Variants in TXNRD1 observed in about 807,000 individuals in gnomAD.
TXNRD1 encodes the protein thioredoxin reductase 1, cytoplasmic.
TXNRD1 carries 57 observed loss-of-function variants against 80.3 expected under a neutral mutation model. The observed-to-expected ratio is 0.71, with a 90% CI of 0.57 to 0.89. TXNRD1 has a LOEUF of 0.89. Among genes scored for constraint, TXNRD1 ranks in the 40% least tolerant of loss-of-function variants. The pLI, the probability that TXNRD1 is intolerant of heterozygous loss-of-function variation, is 0.00. For synonymous variants in TXNRD1, 291 were observed against 285.2 expected, an observed-to-expected ratio of 1.02 and a Z score of -0.20; for missense variants, 730 against 803.0, an observed-to-expected ratio of 0.91 and a Z score of 1.10.
At chr12:104,219,226 C>A (rs2032291624) in intron 1 of TXNRD1, among the ~76,000 whole-genome samples, 1 of 152,150 alleles carries the variant, frequency 6.6e-6, no homozygotes, top group Non-Finnish European at 1.5e-5. Context: ...GCACCAGGCC[C>A]ATATTATACA....
chr12:104,290,979 T>A (rs1050004266), intron 4 of TXNRD1: 56 of 657,408 alleles, frequency 8.5e-5, no homozygotes, highest in Non-Finnish European at 1.4e-4. Flanking sequence ...AATTGAAAAC[T>A]TTTTTTTCTT....
At chr12:104,243,703 A>G (rs2032924487) in intron 1 of TXNRD1, among the ~76,000 whole-genome samples, 1 of 152,194 alleles carries the variant, frequency 6.6e-6, no homozygotes, top group Non-Finnish European at 1.5e-5. Flanking sequence ...TGTGCATGAC[A>G]AACCTGTAAA....
chr12:104,305,462 A>G (rs887233709), intron 4 of TXNRD1, among the ~76,000 whole-genome samples: 9 of 152,252 alleles, frequency 5.9e-5, no homozygotes, highest in African/African-American at 2.2e-4. Context: ...TCCATATTCT[A>G]AACAATTTCT....
chr12:104,311,222 C>T, intron 4 of TXNRD1, 68 bp from the exon 5 acceptor site: 1 of 1,471,678 alleles, frequency 6.8e-7, no homozygotes, highest in Non-Finnish European at 9.0e-7. Context: ...AAAAGATTTT[C>T]TTACAAAGCT....
intron 11 of TXNRD1, 41 bp from the exon 12 acceptor site, chr12:104,326,306 C>G (rs35472124): frequency 0.038 from 51,969 of 1,356,284 alleles, 1,559 homozygotes; most frequent in African/African-American, 0.12. Flanking sequence ...AAATGCAAAG[C>G]CTTTTTGTTA....
intron 4 of TXNRD1, among the ~76,000 whole-genome samples, chr12:104,299,388 A>C (rs1291522554): frequency 1.3e-5 from 2 of 151,972 alleles, no homozygotes; most frequent in African/African-American, 4.8e-5. Context: ...AAATACAGAT[A>C]TCTGTCTTAT....
At chr12:104,311,084 G>C (rs894122061) in intron 4 of TXNRD1, among the ~76,000 whole-genome samples, 2 of 152,188 alleles carry the variant, frequency 1.3e-5, no homozygotes, top group Admixed American at 6.5e-5. Flanking sequence ...AGCAGTGACC[G>C]TCTTTGGGGT....
chr12:104,332,485 C>T (rs1453320111), intron 14 of TXNRD1, among the ~76,000 whole-genome samples: 1 of 151,970 alleles, frequency 6.6e-6, no homozygotes, highest in Non-Finnish European at 1.5e-5. Context: ...CATGGTGGCT[C>T]ATGCCTGTAA....
chr12:104,258,287 A>G, intron 3 of TXNRD1: 1 of 461,302 alleles, frequency 2.2e-6, no homozygotes, highest in Non-Finnish European at 3.8e-6. Flanking sequence ...TAGCCTTGGT[A>G]TTACCCAGAG....
intron 4 of TXNRD1, among the ~76,000 whole-genome samples, chr12:104,307,561 A>C (rs1345778258): frequency 6.6e-6 from 1 of 152,252 alleles, no homozygotes; most frequent in Non-Finnish European, 1.5e-5. Context: ...TGATTGGTCG[A>C]AGTCACCTGG....
intron 3 of TXNRD1, chr12:104,287,364 C>T (rs1593753227): frequency 1.2e-6 from 2 of 1,613,904 alleles, no homozygotes; most frequent in African/African-American, 1.3e-5. Context: ...AGGCCGGCGC[C>T]TGTAGGCTGG....
chr12:104,336,721 G>T (rs531114995), intron 15 of TXNRD1, among the ~76,000 whole-genome samples: 4 of 152,120 alleles, frequency 2.6e-5, no homozygotes, highest in Non-Finnish European at 5.9e-5. Flanking sequence ...TATTTATTGA[G>T]CACTTACTGT....
chr12:104,321,083 T>A lies in TXNRD1; in HGVS notation c.990-8T>A. On this transcript the variant is annotated splice_polypyrimidine_tract_variant and splice_region_variant and intron_variant, in intron 9 of 16. Coordinates refer to ENST00000525566, the MANE Select transcript of TXNRD1 (RefSeq NM_001093771.3). ...CTTCTTTCTTCCTTTTTTTTTTTTT[T>A]CCCCCAGTGATGATCTTTTCTCCTT... 6.6e-7 allele frequency: 1 copy of A among 1,504,648 alleles called. No individual in the cohort carries two copies. The highest frequency in any genetic ancestry group is 9.0e-7 in the Non-Finnish European group (1 of 1,104,998). 93.2% of individuals were successfully genotyped at this position (1,504,648 alleles called of 1,614,324 possible).
chr12:104,312,108 CTT>C (rs1292593519), intron 5 of TXNRD1, among the ~76,000 whole-genome samples: 1 of 151,920 alleles, frequency 6.6e-6, no homozygotes, highest in African/African-American at 2.4e-5. Context: ...TAATATTTGT[CTT>C]TTTCACTTGA....
intron 1 of TXNRD1, among the ~76,000 whole-genome samples, chr12:104,248,993 C>A (rs1222147396): frequency 6.6e-6 from 1 of 152,170 alleles, no homozygotes; most frequent in Non-Finnish European, 1.5e-5. Flanking sequence ...AGAGAAATTA[C>A]AAGCGAGAAA....
At chr12:104,317,389 G>C (rs1048554359) in intron 7 of TXNRD1, among the ~76,000 whole-genome samples, 5 of 116,980 alleles carry the variant, frequency 4.3e-5, no homozygotes, top group Non-Finnish European at 6.9e-5. Context: ...TTTTTTTTCA[G>C]TTGAACCAAT....
At chr12:104,252,978 A>G (rs1432436176) in intron 2 of TXNRD1, among the ~76,000 whole-genome samples, 1 of 151,826 alleles carries the variant, frequency 6.6e-6, no homozygotes, top group African/African-American at 2.4e-5. Context: ...CTGGGATTAC[A>G]GGCGTGAGCC....
chr12:104,284,523 T>G (rs1490840860), intron 3 of TXNRD1: 1 of 152,226 alleles, frequency 6.6e-6, no homozygotes, highest in Non-Finnish European at 1.5e-5. Context: ...TAGGAGCCTT[T>G]ATCAAACACC....
At chr12:104,321,446 T>A in intron 10 of TXNRD1, 130 bp downstream of exon 10, 1 of 679,952 alleles carries the variant, frequency 1.5e-6, no homozygotes, top group South Asian at 1.9e-5. Context: ...CCTACTGTTG[T>A]ATACTGGTAT....
Sources: gnomAD v4.1 joint callset for allele counts (sites outside exome capture counted in the v4.1 genomes callset) on GRCh38, gnomAD v4.1.1 for gene constraint, MANE v1.5 for transcripts, NCBI Gene and HGNC (gene_info 2026-07-23, HGNC 2026-07-21) for gene names.